THEMIS: variants seen among roughly 807,000 people sequenced by gnomAD.
The protein encoded by THEMIS is protein THEMIS.
A neutral mutation model predicts 52.6 loss-of-function variants in THEMIS; 37 were observed. The observed-to-expected ratio is 0.70, with a 90% CI of 0.54 to 0.93. The LOEUF is 0.93. THEMIS is among the 40% of genes least tolerant of loss of function. The probability of loss-of-function intolerance (pLI) is 0.00; values close to 1 mark genes in which losing one functional copy is unlikely to be tolerated. For missense variants in THEMIS, 808 were observed against 763.1 expected (o/e 1.06, Z -0.69); for synonymous variants, 292 against 272.7 (o/e 1.07, Z -0.70).
At chr6:127,697,451 AAC>A in the THEMIS span, among the ~76,000 whole-genome samples, 1 of 152,170 alleles carries the variant, frequency 6.6e-6, no homozygotes, top group East Asian at 1.9e-4. Flanking sequence ...CAATAGGCAT[AAC>A]AGTTCTAGGA....
upstream of THEMIS, among the ~76,000 whole-genome samples, chr6:127,904,673 A>G (rs535379222): frequency 3.9e-5 from 6 of 152,206 alleles, no homozygotes; most frequent in South Asian, 1.2e-3. Context: ...GAGAGAAGGG[A>G]GACCACAGAA....
chr6:127,888,273 G>A (rs2114459101), intron 1 of THEMIS, among the ~76,000 whole-genome samples: 1 of 152,212 alleles, frequency 6.6e-6, no homozygotes, highest in East Asian at 1.9e-4. Flanking sequence ...AGAAAAAATG[G>A]AGGGTTTTTA....
chr6:127,831,233 G>T (rs1778690640), intron 2 of THEMIS, among the ~76,000 whole-genome samples: 1 of 152,030 alleles, frequency 6.6e-6, no homozygotes, highest in South Asian at 2.1e-4. Flanking sequence ...TACTACTTAA[G>T]ATACAGATTT....
chr6:127,772,011 A>G (rs1186168320), intron 4 of THEMIS, among the ~76,000 whole-genome samples: 1 of 152,116 alleles, frequency 6.6e-6, no homozygotes, highest in Non-Finnish European at 1.5e-5. Flanking sequence ...TTACTTAATA[A>G]TATATCTTGG....
chr6:127,824,383 C>CA (rs910495679), intron 3 of THEMIS, among the ~76,000 whole-genome samples: 4 of 151,950 alleles, frequency 2.6e-5, no homozygotes, highest in Non-Finnish European at 5.9e-5. Flanking sequence ...AAACTGAACT[C>CA]AAAAAGGAAA....
the THEMIS span, among the ~76,000 whole-genome samples, chr6:127,696,972 A>C: frequency 1.3e-5 from 2 of 152,074 alleles, no homozygotes; most frequent in African/African-American, 4.8e-5. Context: ...GGACACGCAC[A>C]ATTCAACTCA....
chr6:127,803,998 T>C (rs1777620897), intron 4 of THEMIS, among the ~76,000 whole-genome samples: 1 of 152,214 alleles, frequency 6.6e-6, no homozygotes, highest in African/African-American at 2.4e-5. Flanking sequence ...CATTTCTGGT[T>C]GCTTTCCTTT....
intron 4 of THEMIS, among the ~76,000 whole-genome samples, chr6:127,764,270 G>T (rs918967964): frequency 6.6e-6 from 1 of 151,534 alleles, no homozygotes; most frequent in Non-Finnish European, 1.5e-5. Context: ...ACAGTCATTT[G>T]CCAAAATTTA....
chr6:127,730,583 T>A (rs1358445130), intron 4 of THEMIS, among the ~76,000 whole-genome samples: 1 of 152,168 alleles, frequency 6.6e-6, no homozygotes, highest in African/African-American at 2.4e-5. Flanking sequence ...AATGTTTTTA[T>A]TATTGAGTTT....
chr6:127,724,033 T>C (rs1213576681), intron 4 of THEMIS, among the ~76,000 whole-genome samples: 1 of 152,076 alleles, frequency 6.6e-6, no homozygotes, highest in Non-Finnish European at 1.5e-5. Context: ...ACTTAATTTT[T>C]ATGACTTTTT....
chr6:127,835,196 C>T (rs2114677990), intron 2 of THEMIS, among the ~76,000 whole-genome samples: 1 of 152,180 alleles, frequency 6.6e-6, no homozygotes, highest in East Asian at 1.9e-4. Flanking sequence ...TTCACAATAC[C>T]ACATATTTGC....
intron 1 of THEMIS, among the ~76,000 whole-genome samples, chr6:127,878,211 A>AT (rs1165768439): frequency 6.6e-6 from 1 of 152,184 alleles, no homozygotes; most frequent in Non-Finnish European, 1.5e-5. Flanking sequence ...GCAAAGTGGT[A>AT]TAAGAATCTT....
chr6:127,764,742 C>G (rs1776135918), intron 4 of THEMIS, among the ~76,000 whole-genome samples: 1 of 151,870 alleles, frequency 6.6e-6, no homozygotes, highest in Non-Finnish European at 1.5e-5. Context: ...TTTTGAGTAT[C>G]TTTATTTTCT....
rs78461497 is a variant in THEMIS at position 127,796,457 on chromosome 6, G to T, written c.1758+16426C>A. 7.5e-3 allele frequency among the ~76,000 whole-genome samples: 1,143 copies of T among 152,312 alleles called. 9 individuals are homozygous for T. Among genetic ancestry groups the T allele is most frequent in the Non-Finnish European group, 0.012 (793 of 68,036 alleles). On this transcript the variant is annotated intron_variant, in intron 4 of 5. Transcript: ENST00000368248. ...GCACTAAAGACCAGATCAACCTTAT[G>T]CAGTCGGAATGCCTGTATTGAAGTG...
chr6:127,811,477 T>C (rs1777905522), intron 4 of THEMIS, among the ~76,000 whole-genome samples: 1 of 152,198 alleles, frequency 6.6e-6, no homozygotes, highest in Admixed American at 6.5e-5. Context: ...CCTGATCTTA[T>C]CTGGAAAGGT....
chr6:127,764,263 G>A (rs963490812), intron 4 of THEMIS, among the ~76,000 whole-genome samples: 1 of 151,588 alleles, frequency 6.6e-6, no homozygotes, highest in African/African-American at 2.4e-5. Context: ...TTTTTCCACA[G>A]TCATTTGCCA....
intron 1 of THEMIS, chr6:127,909,967 A>C (rs538186081): frequency 6.6e-6 from 1 of 152,258 alleles, no homozygotes; most frequent in Non-Finnish European, 1.5e-5. Context: ...AAAGTCATAG[A>C]TCCAGTAACA....
intron 4 of THEMIS, among the ~76,000 whole-genome samples, chr6:127,752,715 T>C (rs1396299578): frequency 1.3e-5 from 2 of 151,740 alleles, no homozygotes; most frequent in African/African-American, 2.4e-5. Flanking sequence ...GTCTAGGACC[T>C]GAAGGCTTTA....
chr6:127,810,252 T>C (rs1295509824), intron 4 of THEMIS, among the ~76,000 whole-genome samples: 4 of 152,184 alleles, frequency 2.6e-5, no homozygotes, highest in Non-Finnish European at 5.9e-5. Flanking sequence ...ACATCTATTA[T>C]TTGTATCTCC....
Sources: allele counts gnomAD v4.1 joint callset (sites outside exome capture counted in the v4.1 genomes callset), GRCh38; gene constraint gnomAD v4.1.1; transcripts MANE v1.5; gene names NCBI Gene and HGNC (gene_info 2026-07-23, HGNC 2026-07-21).